Variants in CNOT6 observed in about 807,000 individuals in gnomAD.
CNOT6 encodes the protein carbon catabolite repression 4 protein.
CNOT6 carries 12 observed loss-of-function variants against 61.2 expected under a neutral mutation model. The ratio of observed to expected loss-of-function variants is 0.20; its 90% confidence interval spans 0.13 to 0.32. The LOEUF (loss-of-function observed/expected upper bound fraction) is 0.32. Ranked by LOEUF, CNOT6 falls within the 10% of genes least tolerant of loss-of-function variation. The probability of loss-of-function intolerance (pLI) is 1.00; values close to 1 mark genes in which losing one functional copy is unlikely to be tolerated. For missense variants in CNOT6, 405 were observed against 663.9 expected (o/e 0.61, Z 4.28); for synonymous variants, 225 against 240.6 (o/e 0.94, Z 0.60).
rs1760347897 is a variant in CNOT6 at position 180,564,409 on chromosome 5, C to T, written c.386-80C>T. 4 of 910,500 alleles carry T rather than the reference C, an allele frequency of 4.4e-6. No homozygotes were observed. In the South Asian group the frequency reaches 5.8e-5, roughly 13 times the overall value. 56.4% of individuals were successfully genotyped at this position (910,500 alleles called of 1,614,324 possible). A position where few individuals can be genotyped will look rare whatever the true frequency, so the allele number is the denominator to read the frequency against. On this transcript the variant is annotated intron_variant, in intron 4 of 11. Transcript: ENST00000261951. Reference sequence around the variant, plus strand: ...TAACTATAACATAGTTATGGATGATCTGATAATTTTGATACATTTTAAAAT... The same window carrying T: ...TAACTATAACATAGTTATGGATGATTTGATAATTTTGATACATTTTAAAAT...
Position 180,565,870 on chromosome 5 carries a change from C to G in CNOT6, c.610C>G (p.Arg204Gly). Residue 204 changes from arginine (R) to glycine (G), a missense_variant, in exon 7 of 12, where the codon CGG becomes GGG. This residue lies in a region of CNOT6 where 212 missense variants were observed against 307.1 expected (regional missense o/e 0.69). Coordinates refer to ENST00000261951, the MANE Select transcript of CNOT6 (RefSeq NM_001370472.1). ...YNVLCDKYAT[R>G]QLYGYCPSWA... is the part of the protein sequence containing the mutation. ...TGTTCTTTGTGATAAATATGCGACC[C>G]GGCAGTTATACGGCTACTGTCCATC... is the stretch of plus-strand genomic sequence containing the variant. 6.2e-7 allele frequency: 1 copy of G among 1,613,208 alleles called. No homozygotes were observed. Among genetic ancestry groups the G allele is most frequent in the East Asian group, 2.2e-5 (1 of 44,866 alleles).
At chr5:180,555,382 T>C (rs1490174818) in intron 4 of CNOT6, among the ~76,000 whole-genome samples, 1 of 152,224 alleles carries the variant, frequency 6.6e-6, no homozygotes, top group East Asian at 1.9e-4. Flanking sequence ...CAGTTCTTTA[T>C]GACTCCTTCA....
In CNOT6 at chr5:180,565,994, A is replaced by G; in HGVS notation, c.717+17A>G. The G allele has an allele frequency of 6.2e-7, 1 of 1,606,182 alleles. No homozygotes were observed. The highest frequency in any genetic ancestry group is 8.5e-7 in the Non-Finnish European group (1 of 1,175,246). ...AGTCTTCAGGTAAGTCAGACAGAAG[A>G]CAGTCAACCTAGCATTGATAAAGGA... On this transcript the variant is annotated intron_variant, in intron 7 of 11. Transcript: ENST00000261951.
intron 4 of CNOT6, 130 bp from the exon 5 acceptor site, chr5:180,564,359 T>A (rs1478619194): frequency 1.5e-6 from 1 of 657,010 alleles, no homozygotes; most frequent in African/African-American, 1.8e-5. Context: ...AAAACAATAT[T>A]TTCTATAGTC....
chr5:180,536,341 C>A (rs960101577), intron 2 of CNOT6, among the ~76,000 whole-genome samples: 2 of 151,858 alleles, frequency 1.3e-5, no homozygotes, highest in African/African-American at 4.8e-5. Flanking sequence ...CTTGTAGATT[C>A]TATATAGTAA....
chr5:180,550,458 C>G (rs1004963431), intron 3 of CNOT6, among the ~76,000 whole-genome samples: 1 of 151,690 alleles, frequency 6.6e-6, no homozygotes, highest in Non-Finnish European at 1.5e-5. Context: ...TCAAAAAAAA[C>G]AAAAACAAAA....
intron 1 of CNOT6, among the ~76,000 whole-genome samples, chr5:180,517,571 GTCTC>G (rs761746648): frequency 6.6e-6 from 1 of 150,922 alleles, no homozygotes; most frequent in Non-Finnish European, 1.5e-5. Context: ...TTTTGAGACA[GTCTC>G]TCTCTTTTGC....
intron 4 of CNOT6, among the ~76,000 whole-genome samples, chr5:180,563,258 C>G (rs1227560592): frequency 1.3e-5 from 2 of 151,598 alleles, no homozygotes; most frequent in African/African-American, 4.8e-5. Context: ...CTCTGTTGCC[C>G]AGGCTGGAGT....
intron 1 of CNOT6, among the ~76,000 whole-genome samples, chr5:180,527,284 T>G (rs4700743): frequency 0.018 from 2,767 of 152,382 alleles, 132 homozygotes; most frequent in East Asian, 0.095. Flanking sequence ...ATTTGATTGC[T>G]GTGCCTCTTA....
At chr5:180,564,793 G>A (rs1289127449) in intron 6 of CNOT6, 50 bp downstream of exon 6, 1 of 1,323,954 alleles carries the variant, frequency 7.6e-7, no homozygotes, top group African/African-American at 1.4e-5. Flanking sequence ...GTCTCTATAA[G>A]CCTAACAGTA....
chr5:180,533,312 C>CTATATATATATATATATATATATATA (rs56266069), intron 2 of CNOT6, among the ~76,000 whole-genome samples: 34 of 127,580 alleles, frequency 2.7e-4, no homozygotes, highest in African/African-American at 4.0e-4. Context: ...GGATGAAAAC[C>CTATATATATATATATATATATATATA]TATATATATA....
rs1760947148 is a variant in CNOT6, at chr5:180,575,094, GCTT to G, written c.*898_*900del. On this transcript the variant is annotated 3_prime_UTR_variant, in exon 12 of 12. Coordinates refer to ENST00000261951, the MANE Select transcript of CNOT6 (RefSeq NM_001370472.1). Reference sequence around the variant, plus strand: ...AAAAACCTACAGCTGCTTAGGTCCAGCTTCTTAACTCTTTTTGAGACACTTCCT... The same window carrying G: ...AAAAACCTACAGCTGCTTAGGTCCAGCTTAACTCTTTTTGAGACACTTCCT... 6.6e-6 allele frequency: 1 copy of G among 152,598 alleles called. No individual in the cohort carries two copies. Among genetic ancestry groups the G allele is most frequent in the South Asian group, 2.1e-4 (1 of 4,824 alleles). The allele number at this position is 152,598 out of a possible 1,614,324, so 9.5% of individuals were successfully genotyped here.
chr5:180,539,680 C>G (rs1271201344), intron 2 of CNOT6, among the ~76,000 whole-genome samples: 1 of 141,794 alleles, frequency 7.1e-6, no homozygotes, highest in East Asian at 2.2e-4. Flanking sequence ...AGCTCTGCCT[C>G]CCAGGTTCAC....
At chr5:180,559,407 G>C (rs1760059171) in intron 4 of CNOT6, among the ~76,000 whole-genome samples, 1 of 152,062 alleles carries the variant, frequency 6.6e-6, no homozygotes, top group African/African-American at 2.4e-5. Flanking sequence ...CACTTTATCT[G>C]ATATTAATAT....
intron 1 of CNOT6, among the ~76,000 whole-genome samples, chr5:180,512,514 G>A (rs1185316778): frequency 2.6e-5 from 4 of 152,098 alleles, no homozygotes; most frequent in South Asian, 2.1e-4. Flanking sequence ...GGAAGAGAAG[G>A]GATGATATAG....
intron 1 of CNOT6, among the ~76,000 whole-genome samples, chr5:180,505,716 T>A (rs1388261364): frequency 3.3e-5 from 5 of 151,852 alleles, no homozygotes; most frequent in Admixed American, 3.3e-4. Context: ...CCCGGCTAAT[T>A]TTTTGTATTT....
intron 1 of CNOT6, among the ~76,000 whole-genome samples, chr5:180,513,660 C>T (rs1757500428): frequency 6.6e-6 from 1 of 151,480 alleles, no homozygotes; most frequent in Non-Finnish European, 1.5e-5. Context: ...GTATGAGCTA[C>T]CATGCCTGGC....
chr5:180,549,804 C>A, intron 2 of CNOT6, 127 bp from the exon 3 acceptor site: 2 of 653,646 alleles, frequency 3.1e-6, no homozygotes, highest in South Asian at 4.1e-5. Context: ...TTCCTGTTAA[C>A]CCCTTCTCAC....
chr5:180,523,028 G>GGGGC (rs1263071642), intron 1 of CNOT6, among the ~76,000 whole-genome samples: 2 of 152,172 alleles, frequency 1.3e-5, no homozygotes, highest in African/African-American at 4.8e-5. Context: ...GAAGAAGAGA[G>GGGGC]GGGCAGTATT....
Sources: allele counts gnomAD v4.1 joint callset (sites outside exome capture counted in the v4.1 genomes callset), GRCh38; gene constraint gnomAD v4.1.1; regional missense constraint gnomAD v4.1.1; transcripts MANE v1.5; gene names NCBI Gene and HGNC (gene_info 2026-07-23, HGNC 2026-07-21).